Variants in CADM2 observed in about 807,000 individuals in gnomAD.
CADM2 encodes the protein immunoglobulin superfamily member 4D.
In CADM2, 12 loss-of-function variants were observed where a neutral mutation model predicts 49.8. That is an observed-to-expected ratio of 0.24 (90% confidence interval 0.15 to 0.39). The LOEUF (loss-of-function observed/expected upper bound fraction) is 0.39. Among genes scored for constraint, CADM2 ranks in the 10% least tolerant of loss-of-function variants. CADM2 has a pLI of 1.00. For missense variants in CADM2, 378 were observed against 492.3 expected (o/e 0.77, Z 2.20); for synonymous variants, 214 against 175.4 (o/e 1.22, Z -1.74).
chr3:85,713,223 A>G (rs1577141766), intron 1 of CADM2, among the ~76,000 whole-genome samples: 1 of 152,034 alleles, frequency 6.6e-6, no homozygotes, highest in African/African-American at 2.4e-5. Flanking sequence ...TCAGCCTCCC[A>G]AGTAGCTGGG....
At chr3:85,181,374 G>A (rs1314953223) in intron 1 of CADM2, among the ~76,000 whole-genome samples, 1 of 152,020 alleles carries the variant, frequency 6.6e-6, no homozygotes, top group Non-Finnish European at 1.5e-5. Context: ...TCATGTTGGG[G>A]ATAAGTTGAG....
chr3:85,762,774 A>T (rs2069458233), intron 2 of CADM2, among the ~76,000 whole-genome samples: 2 of 151,462 alleles, frequency 1.3e-5, no homozygotes, highest in East Asian at 3.9e-4. Context: ...TATATGTATA[A>T]TATATTATTA....
At chr3:85,023,433 T>G (rs2200472) in intron 1 of CADM2, among the ~76,000 whole-genome samples, 2 of 152,054 alleles carry the variant, frequency 1.3e-5, no homozygotes, top group East Asian at 3.9e-4. Flanking sequence ...GCTATATAGA[T>G]TGCACCAATT....
intron 7 of CADM2, among the ~76,000 whole-genome samples, chr3:85,940,909 G>C (rs1001099057): frequency 6.6e-6 from 1 of 151,078 alleles, no homozygotes; most frequent in Non-Finnish European, 1.5e-5. Flanking sequence ...AAAGTACAAA[G>C]ATTTCTCCTA....
intron 7 of CADM2, 73 bp downstream of exon 7, chr3:85,935,930 G>A (rs1233135422): frequency 1.3e-6 from 1 of 786,740 alleles, no homozygotes; most frequent in Non-Finnish European, 2.1e-6. Context: ...GCCTTTAACT[G>A]TAGAAATCCA....
At chr3:85,444,962 C>G (rs1316800122) in intron 1 of CADM2, among the ~76,000 whole-genome samples, 1 of 152,066 alleles carries the variant, frequency 6.6e-6, no homozygotes, top group Non-Finnish European at 1.5e-5. Flanking sequence ...AGAACAGTGT[C>G]TAGAGCATGA....
chr3:85,205,068 A>G (rs1027105590), intron 1 of CADM2, among the ~76,000 whole-genome samples: 1 of 146,368 alleles, frequency 6.8e-6, no homozygotes, highest in Non-Finnish European at 1.5e-5. Context: ...CCTAGGCTGG[A>G]GTGCAGTAGT....
chr3:85,788,364 A>G (rs939446075), intron 2 of CADM2, among the ~76,000 whole-genome samples: 9 of 152,254 alleles, frequency 5.9e-5, no homozygotes, highest in African/African-American at 1.9e-4. Flanking sequence ...CATATTTTAT[A>G]TCTATGCCAT....
At chr3:85,006,323 C>T (rs2033725376) in intron 1 of CADM2, among the ~76,000 whole-genome samples, 1 of 152,094 alleles carries the variant, frequency 6.6e-6, no homozygotes, top group Non-Finnish European at 1.5e-5. Flanking sequence ...GCTGTTTGAG[C>T]CACACAACCT....
At chr3:85,124,323 A>T (rs1380962007) in intron 1 of CADM2, among the ~76,000 whole-genome samples, 1 of 152,204 alleles carries the variant, frequency 6.6e-6, no homozygotes, top group Admixed American at 6.5e-5. Context: ...TTCTAAGTGG[A>T]TGAGGTGCGG....
chr3:85,346,907 A>T (rs1349384459), intron 1 of CADM2, among the ~76,000 whole-genome samples: 1 of 152,174 alleles, frequency 6.6e-6, no homozygotes, highest in Admixed American at 6.5e-5. Flanking sequence ...ACAAATAAAA[A>T]CGTGAAAAAA....
intron 6 of CADM2, among the ~76,000 whole-genome samples, chr3:85,934,329 A>C (rs916911045): frequency 2.0e-5 from 3 of 152,066 alleles, no homozygotes; most frequent in African/African-American, 7.2e-5. Context: ...TGGAGATGAA[A>C]TTATATGGTT....
chr3:85,452,363 A>G (rs770711075), intron 1 of CADM2, among the ~76,000 whole-genome samples: 19 of 152,274 alleles, frequency 1.2e-4, no homozygotes, highest in Non-Finnish European at 2.1e-4. Flanking sequence ...TAATACAACA[A>G]TAGCAAAAAT....
At chr3:85,112,023 C>T (rs967595413) in intron 1 of CADM2, among the ~76,000 whole-genome samples, 2 of 151,846 alleles carry the variant, frequency 1.3e-5, no homozygotes, top group African/African-American at 2.4e-5. Context: ...CTAAGTACAA[C>T]GTCTTCTATT....
At chr3:85,538,459 C>T (rs1022274878) in intron 1 of CADM2, among the ~76,000 whole-genome samples, 11 of 152,066 alleles carry the variant, frequency 7.2e-5, no homozygotes, top group Non-Finnish European at 1.5e-4. Context: ...GTAGCTTGTG[C>T]CCTTTCCACT....
At chr3:85,134,880 A>G (rs1042056052) in intron 1 of CADM2, among the ~76,000 whole-genome samples, 5 of 152,188 alleles carry the variant, frequency 3.3e-5, no homozygotes, top group South Asian at 2.1e-4. Flanking sequence ...ATAATTTCAA[A>G]TAAGACAAAC....
chr3:85,595,633 T>G (rs2063221360), intron 1 of CADM2, among the ~76,000 whole-genome samples: 1 of 152,022 alleles, frequency 6.6e-6, no homozygotes, highest in Admixed American at 6.6e-5. Context: ...TATCCTAGAT[T>G]ATAATTGTCC....
intron 3 of CADM2, among the ~76,000 whole-genome samples, chr3:85,875,278 A>G (rs1214758688): frequency 6.6e-6 from 1 of 152,178 alleles, no homozygotes; most frequent in Non-Finnish European, 1.5e-5. Flanking sequence ...ATTACAAATG[A>G]CACATACTGA....
In CADM2 at chr3:85,247,340, A is replaced by T. The variant is rs557001742; in HGVS notation, c.61+287672A>T. ...GAGGAATTTAGTTGCTCAAAGTATGAGAAAAGATACATGAAAGATAATCTT... is the reference window on the plus strand; with the variant it reads ...GAGGAATTTAGTTGCTCAAAGTATGTGAAAAGATACATGAAAGATAATCTT... On this transcript the variant is annotated intron_variant, in intron 1 of 9. Transcript: ENST00000383699. Among the ~76,000 whole-genome samples the T allele has an allele frequency of 4.6e-5, 7 of 152,230 alleles. 1 individual carries two copies. Among genetic ancestry groups the T allele is most frequent in the African/African-American group, 1.7e-4 (7 of 41,580 alleles).
Sources: gnomAD v4.1 joint callset for allele counts (sites outside exome capture counted in the v4.1 genomes callset) on GRCh38, gnomAD v4.1.1 for gene constraint, MANE v1.5 for transcripts, NCBI Gene and HGNC (gene_info 2026-07-23, HGNC 2026-07-21) for gene names.